Variants in PI4K2A observed in about 807,000 individuals in gnomAD.
The protein encoded by PI4K2A is phosphatidylinositol 4-kinase type 2 alpha, also known as phosphatidylinositol 4-kinase type 2-alpha.
Under a neutral mutation model 55.0 loss-of-function variants are expected in PI4K2A, and 20 were observed. The observed-to-expected ratio is 0.36, with a 90% CI of 0.26 to 0.53. PI4K2A has a LOEUF of 0.53. Ranked by LOEUF, PI4K2A falls within the 20% of genes least tolerant of loss-of-function variation. The probability of loss-of-function intolerance (pLI) is 0.91; values close to 1 mark genes in which losing one functional copy is unlikely to be tolerated. For missense variants in PI4K2A, 463 were observed against 637.1 expected (o/e 0.73, Z 2.94); for synonymous variants, 235 against 258.5 (o/e 0.91, Z 0.87).
At chr10:97,669,656 G>A (rs1485516955) in intron 8 of PI4K2A, among the ~76,000 whole-genome samples, 2 of 152,158 alleles carry the variant, frequency 1.3e-5, no homozygotes, top group African/African-American at 4.8e-5. Flanking sequence ...AAAGCAAAAT[G>A]TGTGCACTAC....
intron 6 of PI4K2A, 41 bp downstream of exon 6, chr10:97,665,025 C>T (rs2041603297): frequency 8.0e-7 from 1 of 1,246,956 alleles, no homozygotes; most frequent in Non-Finnish European, 1.2e-6. Flanking sequence ...TTCCCTTGCT[C>T]AGTATATTTT....
At chr10:97,644,701 T>C (rs1281259495) in intron 1 of PI4K2A, among the ~76,000 whole-genome samples, 1 of 152,234 alleles carries the variant, frequency 6.6e-6, no homozygotes, top group Non-Finnish European at 1.5e-5. Context: ...GCCCCCATCC[T>C]TTAAGGCACT....
intron 1 of PI4K2A, among the ~76,000 whole-genome samples, chr10:97,645,903 A>ATTT (rs1169042548): frequency 9.9e-5 from 15 of 151,884 alleles, no homozygotes; most frequent in Non-Finnish European, 4.4e-5. Context: ...ATGAACTTGT[A>ATTT]AATAAGGCTT....
At position 97,660,485 on chromosome 10, in the gene PI4K2A, A is replaced by G. The variant is rs534656925; in HGVS notation, c.923-2422A>G. The stretch of plus-strand genomic sequence containing the variant: ...TAATTTTTGTATTTTTAGTAGAGAC[A>G]GGGTTTCACCATATTGGTCAGGCTG... On this transcript the variant is annotated intron_variant, in intron 4 of 8. Coordinates refer to ENST00000370631, the Ensembl canonical transcript of PI4K2A. Among the ~76,000 whole-genome samples the G allele has an allele frequency of 7.7e-4, 109 of 142,452 alleles. 2 individuals are homozygous for G. The South Asian group carries it at 0.017, about 23-fold the overall frequency. 93.5% of individuals were successfully genotyped at this position (142,452 alleles called of 152,430 possible).
exon 1 of PI4K2A, chr10:97,641,030 G>T: frequency 6.3e-7 from 1 of 1,588,160 alleles, no homozygotes. Context: ...ACGCCGCTCA[G>T]GCCCACCGCG....
intron 6 of PI4K2A, among the ~76,000 whole-genome samples, chr10:97,665,565 C>A (rs776782496): frequency 6.6e-6 from 1 of 151,970 alleles, no homozygotes; most frequent in Non-Finnish European, 1.5e-5. Flanking sequence ...TGAGCCACTG[C>A]GCCTGGCTGA....
chr10:97,656,155 A>G lies in PI4K2A; in HGVS notation c.637-130A>G, dbSNP rs151317593. On this transcript the variant is annotated intron_variant, in intron 2 of 8. Transcript: ENST00000370631. The surrounding 1 kb of genome is among the most constrained non-coding windows in gnomAD (Gnocchi z 4.5). Reference sequence around the variant, plus strand: ...CCTCTCCTAGTTGCTGGGAAGGCTGAGAAATGTATTCTTTCTGTGCCCTGG... The same window carrying G: ...CCTCTCCTAGTTGCTGGGAAGGCTGGGAAATGTATTCTTTCTGTGCCCTGG... The G allele has an allele frequency of 2.7e-6, 2 of 754,504 alleles. No homozygotes were observed. Among genetic ancestry groups the G allele is most frequent in the Non-Finnish European group, 4.3e-6 (2 of 462,718 alleles). 46.7% of individuals were successfully genotyped at this position (754,504 alleles called of 1,614,324 possible).
Position 97,673,498 on chromosome 10 carries a change from C to T in PI4K2A, c.1279-83C>T, listed in dbSNP as rs950624698. On this transcript the variant is annotated intron_variant, in intron 8 of 8. Transcript: ENST00000370631. ...GTATTTTAAAAAATTGATTTGTAGG[C>T]GTCCTCTCTACTGATCTCCTTTCAG... 40 of 1,052,410 alleles carry T rather than the reference C, an allele frequency of 3.8e-5. No homozygotes were observed. The African/African-American group carries it at 4.7e-4, about 12-fold the overall frequency. 65.2% of individuals were successfully genotyped at this position (1,052,410 alleles called of 1,614,324 possible).
rs201709914 is a variant in PI4K2A, at chr10:97,672,722, G to GT, written c.1279-857dup. 4.2e-4 allele frequency among the ~76,000 whole-genome samples: 40 copies of GT among 94,790 alleles called. 2 individuals carry two copies. The East Asian group carries it at 7.6e-3, about 18-fold the overall frequency. 62.2% of individuals were successfully genotyped at this position (94,790 alleles called of 152,430 possible). On this transcript the variant is annotated intron_variant, in intron 8 of 8. Coordinates refer to ENST00000370631, the Ensembl canonical transcript of PI4K2A. ...ATGGAATTGCCGAGTCAGAGGGTCTGTTCTTTTTTTTTTTTTTTTTTTTTT... is the reference window on the plus strand; with the variant it reads ...ATGGAATTGCCGAGTCAGAGGGTCTGTTTCTTTTTTTTTTTTTTTTTTTTTT...
chr10:97,664,915 G>A, exon 6 of PI4K2A: 1 of 1,613,998 alleles, frequency 6.2e-7, no homozygotes, highest in Non-Finnish European at 8.5e-7. Flanking sequence ...GAAGGAGCCT[G>A]TTATCAAGGT....
intron 1 of PI4K2A, among the ~76,000 whole-genome samples, chr10:97,645,469 G>A (rs975313485): frequency 1.3e-5 from 2 of 151,622 alleles, no homozygotes; most frequent in African/African-American, 4.8e-5. Flanking sequence ...TTAGCCGGGC[G>A]TGGTGGCGGG....
At chr10:97,649,667 A>C (rs977515635) in intron 1 of PI4K2A, among the ~76,000 whole-genome samples, 3 of 114,594 alleles carry the variant, frequency 2.6e-5, no homozygotes, top group Non-Finnish European at 5.0e-5. Context: ...CTTGTCACCC[A>C]GGCTGGAGTG....
intron 2 of PI4K2A, among the ~76,000 whole-genome samples, chr10:97,652,364 C>T (rs999561083): frequency 1.3e-5 from 2 of 152,068 alleles, no homozygotes; most frequent in African/African-American, 4.8e-5. Context: ...GGCATGATCA[C>T]AACTCACTGC....
intron 2 of PI4K2A, among the ~76,000 whole-genome samples, chr10:97,653,778 A>T (rs911941022): frequency 3.3e-5 from 5 of 152,172 alleles, no homozygotes; most frequent in African/African-American, 1.2e-4. Context: ...TTAGCTGAGC[A>T]TGGTGGTGCG....
Position 97,640,977 on chromosome 10 carries a change from G to A in PI4K2A, c.235G>A (p.Ala79Thr), listed in dbSNP as rs1403580947. The A allele has an allele frequency of 2.0e-6, 3 of 1,527,190 alleles. No individual in the cohort carries two copies. The Admixed American group carries it at 6.0e-5, about 30-fold the overall frequency. The allele number at this position is 1,527,190 out of a possible 1,614,324, so 94.6% of individuals were successfully genotyped here. ...CCAGGGCCAGACCCAAACCGTGGCG[G>A]CGCAGGCCCAGGCTCTGGCCGCTCA... Residue 79 changes from alanine to threonine, a missense_variant, in exon 1 of 9, where the codon GCG becomes ACG. Transcript: ENST00000370631.
chr10:97,655,957 G>C (rs932490421), intron 2 of PI4K2A, among the ~76,000 whole-genome samples: 2 of 152,148 alleles, frequency 1.3e-5, no homozygotes, highest in Non-Finnish European at 2.9e-5. Context: ...GTAGTTACAA[G>C]GTATCCGAGG....
At chr10:97,642,258 G>T (rs922119976) in intron 1 of PI4K2A, among the ~76,000 whole-genome samples, 1 of 152,066 alleles carries the variant, frequency 6.6e-6, no homozygotes, top group Non-Finnish European at 1.5e-5. Flanking sequence ...GAATGATCTA[G>T]TTATTCACTC....
chr10:97,655,486 A>G (rs965175475), intron 2 of PI4K2A, among the ~76,000 whole-genome samples: 3 of 151,960 alleles, frequency 2.0e-5, no homozygotes, highest in Non-Finnish European at 4.4e-5. Flanking sequence ...AACCCAGGAG[A>G]TGACAGTGTT....
In PI4K2A at chr10:97,649,609, ATTTTTTTTTTTTTTTT is replaced by A. The variant is rs60329004; in HGVS notation, c.436-1316_436-1301del. Among the ~76,000 whole-genome samples, 50 of 70,554 alleles carry A rather than the reference ATTTTTTTTTTTTTTTT, an allele frequency of 7.1e-4. 1 individual carries two copies. Among genetic ancestry groups the A allele is most frequent in the South Asian group, 2.1e-3 (3 of 1,424 alleles). The allele number at this position is 70,554 out of a possible 152,430, so 46.3% of individuals were successfully genotyped here. ...TTTCCTTAACCTCATTCCATAATAG[ATTTTTTTTTTTTTTTT>A]TTTTTTTTTTTTTTTGAGGCAGAGG... On this transcript the variant is annotated intron_variant, in intron 1 of 8. Transcript: ENST00000370631.
Sources: gnomAD v4.1 joint callset for allele counts (sites outside exome capture counted in the v4.1 genomes callset) on GRCh38, gnomAD v4.1.1 for gene constraint, Gnocchi (gnomAD v3.1) non-coding constraint, MANE v1.5 for transcripts, NCBI Gene and HGNC (gene_info 2026-07-23, HGNC 2026-07-21) for gene names.